The following ADAM10 variants were observed in gnomAD, a reference collection of about 807,000 sequenced individuals.
ADAM10 encodes the protein disintegrin and metalloproteinase domain-containing protein 10.
A neutral mutation model predicts 90.1 loss-of-function variants in ADAM10; 17 were observed. That is an observed-to-expected ratio of 0.19 (90% CI 0.13 to 0.28). ADAM10 has a LOEUF of 0.28. ADAM10 is among the 10% of genes least tolerant of loss of function. The pLI is 1.00. For synonymous variants in ADAM10, 310 were observed against 298.6 expected (o/e 1.04, Z -0.40); for missense variants, 610 against 914.3 (o/e 0.67, Z 4.29).
chr15:58,740,833 G>A (rs934684704), intron 1 of ADAM10, among the ~76,000 whole-genome samples: 5 of 152,044 alleles, frequency 3.3e-5, no homozygotes, highest in Non-Finnish European at 4.4e-5. Flanking sequence ...GAGGAATTAC[G>A]GATTTTCTTT....
chr15:58,684,856 T>C (rs1566993783), intron 2 of ADAM10, among the ~76,000 whole-genome samples: 1 of 152,152 alleles, frequency 6.6e-6, no homozygotes, highest in Non-Finnish European at 1.5e-5. Flanking sequence ...CCTTAAGCTG[T>C]GGGGTCTGCA....
At chr15:58,711,279 C>T (rs1237894691) in intron 2 of ADAM10, among the ~76,000 whole-genome samples, 3 of 151,910 alleles carry the variant, frequency 2.0e-5, no homozygotes, top group African/African-American at 7.3e-5. Context: ...ACTGAGGTAC[C>T]CAAATAAATA....
chr15:58,614,943 G>GA (rs1218303263), intron 11 of ADAM10, among the ~76,000 whole-genome samples: 28 of 151,778 alleles, frequency 1.8e-4, no homozygotes, highest in African/African-American at 6.0e-4. Context: ...CTAAATGAGA[G>GA]AAAAAAAGAA....
chr15:58,614,112 T>C lies in ADAM10; in HGVS notation c.1512-2121A>G, dbSNP rs180835143. Among the ~76,000 whole-genome samples, 25 of 152,136 alleles carry C rather than the reference T, an allele frequency of 1.6e-4. No individual in the cohort carries two copies. In the East Asian group the frequency reaches 4.8e-3, roughly 29 times the overall value. ...CACTTGTCAGGAGCTTGAAACCCCG[T>C]CTCTACTAAAAATACGAAAAAAACT... On this transcript the variant is annotated intron_variant, in intron 11 of 15. Coordinates refer to ENST00000260408, the MANE Select transcript of ADAM10 (RefSeq NM_001110.4).
At position 58,749,664 on chromosome 15, in the gene ADAM10, A is replaced by G; in HGVS notation, c.-130T>C. ...GCCGGGACCTCCCCTGGCAGGAGAA[A>G]CGGCGAAGCACCTCCCTCTCGCTCC... is the stretch of plus-strand genomic sequence containing the variant. On this transcript the variant is annotated 5_prime_UTR_variant, in exon 1 of 16. Transcript: ENST00000260408. 1 of 1,475,830 alleles carries G rather than the reference A, an allele frequency of 6.8e-7. No individual in the cohort carries two copies. Among genetic ancestry groups the G allele is most frequent in the Non-Finnish European group, 9.1e-7 (1 of 1,102,240 alleles). The allele number at this position is 1,475,830 out of a possible 1,614,324, so 91.4% of individuals were successfully genotyped here.
At chr15:58,692,871 A>G (rs973189631) in intron 2 of ADAM10, 2 of 676,834 alleles carry the variant, frequency 3.0e-6, no homozygotes, top group Non-Finnish European at 5.6e-6. Context: ...ATGCTTCAGT[A>G]CCAGACTTGG....
chr15:58,608,575 C>T (rs1377719355), intron 14 of ADAM10, among the ~76,000 whole-genome samples: 1 of 152,148 alleles, frequency 6.6e-6, no homozygotes, highest in Non-Finnish European at 1.5e-5. Flanking sequence ...AAAATAAAGG[C>T]ATGTTCTATC....
rs57199536 is a variant in ADAM10 at position 58,689,944 on chromosome 15, A to ACC, written c.207-7632_207-7631dup. On this transcript the variant is annotated intron_variant, in intron 2 of 15. Coordinates refer to ENST00000260408, the MANE Select transcript of ADAM10 (RefSeq NM_001110.4). ...ACTCTGATTCCAAAACCAAAGACAG[A>ACC]CCCCCCCCAAAAAAAAAAAAAAAAG... Among the ~76,000 whole-genome samples the ACC allele has an allele frequency of 7.7e-3, 575 of 75,162 alleles. 12 individuals are homozygous for ACC. Among genetic ancestry groups the ACC allele is most frequent in the African/African-American group, 0.023 (455 of 19,882 alleles). 49.3% of individuals were successfully genotyped at this position (75,162 alleles called of 152,430 possible). A position where few individuals can be genotyped will look rare whatever the true frequency, so the allele number is the denominator to read the frequency against.
intron 9 of ADAM10, among the ~76,000 whole-genome samples, chr15:58,630,374 T>C (rs561992263): frequency 3.4e-4 from 52 of 152,294 alleles, no homozygotes; most frequent in African/African-American, 1.1e-3. Context: ...GTGAATTAAT[T>C]TGACAGATGA....
intron 5 of ADAM10, among the ~76,000 whole-genome samples, chr15:58,651,337 C>G (rs1896682551): frequency 6.6e-6 from 1 of 151,608 alleles, no homozygotes; most frequent in African/African-American, 2.4e-5. Flanking sequence ...CTTTCAAATA[C>G]TAGGTCTTAT....
chr15:58,597,584 G>A lies in ADAM10; in HGVS notation c.2210C>T (p.Pro737Leu), dbSNP rs1894993161. ...GTGTCCCATTTGATAACTCTCTCGGGGCCGCTGACGCTGGGGTTGCTGAAT... is the reference window on the plus strand; with the variant it reads ...GTGTCCCATTTGATAACTCTCTCGGAGCCGCTGACGCTGGGGTTGCTGAAT... ...QPIQQPQRQR[P>L]RESYQMGHMR... Residue 737 changes from proline (P) to leucine (L), a missense_variant, in exon 16 of 16, where the codon CCC becomes CTC. Pro to Leu is a moderately conservative substitution (Grantham distance 98). Around this residue, in one of 4 missense-constraint regions of ADAM10, gnomAD observed 150 missense variants for 268.5 expected, o/e 0.56. Coordinates refer to ENST00000260408, the MANE Select transcript of ADAM10 (RefSeq NM_001110.4). 8.1e-6 allele frequency: 13 copies of A among 1,614,092 alleles called. No individual in the cohort carries two copies. The East Asian group carries it at 2.9e-4, about 36-fold the overall frequency.
chr15:58,682,140 T>A, intron 3 of ADAM10, 56 bp downstream of exon 3: 1 of 1,599,636 alleles, frequency 6.3e-7, no homozygotes, highest in South Asian at 1.1e-5. Context: ...AAAATGAGTA[T>A]CTTTGTGTAG....
At chr15:58,600,874 A>G (rs966734649) in intron 14 of ADAM10, among the ~76,000 whole-genome samples, 1 of 152,120 alleles carries the variant, frequency 6.6e-6, no homozygotes, top group Admixed American at 6.5e-5. Flanking sequence ...TTTCCAGCAA[A>G]ACTCCCATTT....
rs1433624874 is a variant in ADAM10, at chr15:58,717,656, G to A, written c.127C>T (p.His43Tyr). 1 of 1,613,468 alleles carries A rather than the reference G, an allele frequency of 6.2e-7. No individual in the cohort carries two copies. Residue 43 changes from histidine (H) to tyrosine (Y), a missense_variant, in exon 2 of 16, where the codon CAC (histidine) becomes TAC (tyrosine). Around this residue, in one of 4 missense-constraint regions of ADAM10, gnomAD observed 310 missense variants for 362.4 expected, o/e 0.86. Transcript: ENST00000260408. Reference protein sequence around the residue: ...EGLSYNVDSLHQKHQRAKRAV... With the variant: ...EGLSYNVDSLYQKHQRAKRAV... ...CTTTTGGCACGCTGGTGTTTTTGGT[G>A]TAATGAATCCACATTGTAAGATAAT...
chr15:58,604,004 T>C (rs1438965732), intron 14 of ADAM10, among the ~76,000 whole-genome samples: 3 of 152,224 alleles, frequency 2.0e-5, no homozygotes, highest in Non-Finnish European at 2.9e-5. Flanking sequence ...CATACTTCTG[T>C]GACTTTTTCA....
intron 2 of ADAM10, among the ~76,000 whole-genome samples, chr15:58,684,794 G>A (rs1007082786): frequency 1.8e-4 from 28 of 152,186 alleles, no homozygotes; most frequent in South Asian, 4.1e-4. Context: ...TACAGGTGGC[G>A]CAGGACTTAC....
chr15:58,734,598 G>A (rs556366211), intron 1 of ADAM10, among the ~76,000 whole-genome samples: 1 of 152,076 alleles, frequency 6.6e-6, no homozygotes, highest in South Asian at 2.1e-4. Flanking sequence ...TACTTGGGGG[G>A]TTGAGGTGGG....
In ADAM10 at chr15:58,597,059, C is replaced by G. The variant is rs201096661; in HGVS notation, c.*488G>C. 2.2e-4 allele frequency: 46 copies of G among 204,764 alleles called. No individual in the cohort carries two copies. Among genetic ancestry groups the G allele is most frequent in the Middle Eastern group, 2.0e-3 (1 of 488 alleles). The allele number at this position is 204,764 out of a possible 1,614,324, so 12.7% of individuals were successfully genotyped here. Reference sequence around the variant, plus strand: ...TGCAATTTCTGTTTACAATTGCACACAGAAGTACAGTGTACGTAAGAAATA... The same window carrying G: ...TGCAATTTCTGTTTACAATTGCACAGAGAAGTACAGTGTACGTAAGAAATA... On this transcript the variant is annotated 3_prime_UTR_variant, in exon 16 of 16. Coordinates refer to ENST00000260408, the MANE Select transcript of ADAM10 (RefSeq NM_001110.4).
chr15:58,646,011 A>G lies in ADAM10; in HGVS notation c.735+44T>C, dbSNP rs201948093. ...TTTTAAAGGAAAGAATAGGCATTAT[A>G]AAACAATATGGGAACTACTAAAATA... On this transcript the variant is annotated intron_variant, in intron 6 of 15. Transcript: ENST00000260408. The G allele has an allele frequency of 2.4e-3, 3,926 of 1,606,102 alleles. 6 individuals carry two copies. Among genetic ancestry groups the G allele is most frequent in the Middle Eastern group, 4.9e-3 (26 of 5,330 alleles).
Sources: gnomAD v4.1 joint callset for allele counts (sites outside exome capture counted in the v4.1 genomes callset) on GRCh38, gnomAD v4.1.1 for gene constraint, gnomAD v4.1.1 regional missense constraint, MANE v1.5 for transcripts, NCBI Gene and HGNC (gene_info 2026-07-23, HGNC 2026-07-21) for gene names.